The following CAND1 variants were observed in gnomAD, a reference collection of about 807,000 sequenced individuals.
The protein encoded by CAND1 is cullin-associated NEDD8-dissociated protein 1.
CAND1 carries 7 observed loss-of-function variants against 108.5 expected under a neutral mutation model. That is an observed-to-expected ratio of 0.06 (90% CI 0.04 to 0.12). The LOEUF is 0.12. CAND1 is among the 10% of genes least tolerant of loss of function. CAND1 has a pLI of 1.00. For missense variants in CAND1, 941 were observed against 1,448.7 expected (o/e 0.65, Z 5.69); for synonymous variants, 534 against 512.0 (o/e 1.04, Z -0.58).
chr12:67,288,677 A>G (rs1464718422), intron 2 of CAND1, among the ~76,000 whole-genome samples: 1 of 152,244 alleles, frequency 6.6e-6, no homozygotes, highest in African/African-American at 2.4e-5. Context: ...TTCAAATACT[A>G]TGACAAGTGG....
chr12:67,269,377 G>A lies in CAND1; in HGVS notation c.-341G>A. 1 of 313,776 alleles carries A rather than the reference G, an allele frequency of 3.2e-6. No individual in the cohort carries two copies. The highest frequency in any genetic ancestry group is 5.9e-6 in the Non-Finnish European group (1 of 170,276). 19.4% of individuals were successfully genotyped at this position (313,776 alleles called of 1,614,324 possible). On this transcript the variant is annotated 5_prime_UTR_variant, in exon 1 of 15. It adds an upstream start codon to the 5' untranslated region. Coordinates refer to ENST00000545606, the MANE Select transcript of CAND1 (RefSeq NM_018448.5). Reference sequence around the variant, plus strand: ...TTTGGCCTTTTGCCCTAGGGAGCGAGTGCGGAGCGAGTGGGAGCGAGACGG... The same window carrying A: ...TTTGGCCTTTTGCCCTAGGGAGCGAATGCGGAGCGAGTGGGAGCGAGACGG...
At chr12:67,308,816 G>C (rs1474159229) in intron 11 of CAND1, among the ~76,000 whole-genome samples, 1 of 151,848 alleles carries the variant, frequency 6.6e-6, no homozygotes, top group East Asian at 1.9e-4. Flanking sequence ...CTGTTTCTCA[G>C]ACTTTTTTTT....
At chr12:67,275,551 A>G (rs1211011427) in intron 1 of CAND1, among the ~76,000 whole-genome samples, 1 of 152,140 alleles carries the variant, frequency 6.6e-6, no homozygotes, top group East Asian at 1.9e-4. Flanking sequence ...AACTGTTCCA[A>G]CTTAATTCAT....
chr12:67,276,504 C>T (rs2044570753), intron 1 of CAND1, among the ~76,000 whole-genome samples: 1 of 152,056 alleles, frequency 6.6e-6, no homozygotes. Flanking sequence ...TGAAGCCTTG[C>T]TTTAGGTTGA....
intron 1 of CAND1, among the ~76,000 whole-genome samples, chr12:67,272,678 G>T (rs1260902045): frequency 6.6e-6 from 1 of 151,918 alleles, no homozygotes; most frequent in Non-Finnish European, 1.5e-5. Flanking sequence ...CAGGGTTTTT[G>T]TTGTTGTTGT....
chr12:67,311,664 C>A, intron 13 of CAND1, 29 bp from the exon 14 acceptor site: 2 of 1,350,574 alleles, frequency 1.5e-6, no homozygotes, highest in African/African-American at 1.5e-5. Flanking sequence ...GATGTCAAAT[C>A]TAAATTCTGT....
intron 2 of CAND1, among the ~76,000 whole-genome samples, chr12:67,283,121 A>C (rs1486946986): frequency 6.6e-6 from 1 of 152,166 alleles, no homozygotes; most frequent in Non-Finnish European, 1.5e-5. Context: ...TCCCATTGTT[A>C]CTTCTTTTTA....
At chr12:67,281,426 C>T (rs557397673) in intron 1 of CAND1, among the ~76,000 whole-genome samples, 5 of 152,214 alleles carry the variant, frequency 3.3e-5, no homozygotes, top group Non-Finnish European at 4.4e-5. Context: ...TGCAATGCAA[C>T]GTACTTGTTT....
chr12:67,275,429 A>AGGCAGC (rs147753664), intron 1 of CAND1, among the ~76,000 whole-genome samples: 13,362 of 151,992 alleles, frequency 0.088, 1,283 homozygotes, highest in African/African-American at 0.24. Flanking sequence ...CGCGAGGCTG[A>AGGCAGC]GGCAGCAGAA....
intron 9 of CAND1, among the ~76,000 whole-genome samples, 171 bp from the exon 10 acceptor site, chr12:67,304,933 G>C (rs1179557539): frequency 6.6e-6 from 1 of 152,138 alleles, no homozygotes; most frequent in Admixed American, 6.5e-5. Flanking sequence ...AAGGTTAAAA[G>C]TCTCACCCTA....
intron 1 of CAND1, among the ~76,000 whole-genome samples, chr12:67,279,517 G>C (rs547090218): frequency 1.6e-4 from 25 of 152,200 alleles, no homozygotes; most frequent in Middle Eastern, 6.8e-3. Context: ...GCAACTCTTG[G>C]TATTATAATA....
intron 1 of CAND1, among the ~76,000 whole-genome samples, chr12:67,280,952 G>C (rs978174444): frequency 2.6e-5 from 4 of 152,006 alleles, no homozygotes; most frequent in Non-Finnish European, 5.9e-5. Flanking sequence ...TTGAAAATAA[G>C]CCTGGTGGCT....
chr12:67,295,605 C>T (rs2044761812), intron 4 of CAND1, among the ~76,000 whole-genome samples: 2 of 152,030 alleles, frequency 1.3e-5, no homozygotes, highest in South Asian at 4.1e-4. Flanking sequence ...TTTCACTTTC[C>T]TTTGGAAGTC....
chr12:67,272,783 G>C (rs375290591), intron 1 of CAND1, among the ~76,000 whole-genome samples: 2 of 151,854 alleles, frequency 1.3e-5, no homozygotes, highest in African/African-American at 4.8e-5. Context: ...TTCAACCTCC[G>C]CCTCCCAGGT....
At chr12:67,287,350 T>TAG (rs1417460996) in intron 2 of CAND1, among the ~76,000 whole-genome samples, 6 of 152,244 alleles carry the variant, frequency 3.9e-5, no homozygotes, top group Non-Finnish European at 8.8e-5. Context: ...ATGTAAGTTT[T>TAG]AGAGTTGTCA....
At chr12:67,304,511 C>T (rs1362881962) in intron 8 of CAND1, 94 bp from the exon 9 acceptor site, 4 of 1,298,560 alleles carry the variant, frequency 3.1e-6, no homozygotes, top group Admixed American at 4.6e-5. Context: ...AAAAGATAAA[C>T]TCTTCCCTTT....
intron 1 of CAND1, among the ~76,000 whole-genome samples, chr12:67,279,651 A>G (rs2044601717): frequency 6.6e-6 from 1 of 152,122 alleles, no homozygotes; most frequent in Non-Finnish European, 1.5e-5. Context: ...TTATTACAAT[A>G]TAAGTAAGCT....
chr12:67,297,329 C>A, intron 4 of CAND1, 78 bp from the exon 5 acceptor site: 1 of 1,318,566 alleles, frequency 7.6e-7, no homozygotes, highest in South Asian at 1.2e-5. Context: ...GCATTGAGGT[C>A]AGAGGCCAGA....
At position 67,313,160 on chromosome 12, in the gene CAND1, T is replaced by C; in HGVS notation, c.*330T>C. On this transcript the variant is annotated 3_prime_UTR_variant, in exon 15 of 15. Coordinates refer to ENST00000545606, the MANE Select transcript of CAND1 (RefSeq NM_018448.5). ...TACCCTGTAATGTTTAGGATTAAAA[T>C]GTTAAAATTTTGTGACCATGAATTT... is the stretch of plus-strand genomic sequence containing the variant. The C allele has an allele frequency of 5.9e-6, 1 of 170,206 alleles. No homozygotes were observed. The highest frequency in any genetic ancestry group is 1.2e-5 in the Non-Finnish European group (1 of 80,090). The allele number at this position is 170,206 out of a possible 1,614,324, so 10.5% of individuals were successfully genotyped here. A position where few individuals can be genotyped will look rare whatever the true frequency, so the allele number is the denominator to read the frequency against.
Sources: gnomAD v4.1 joint callset for allele counts (sites outside exome capture counted in the v4.1 genomes callset) on GRCh38, gnomAD v4.1.1 for gene constraint, MANE v1.5 for transcripts, NCBI Gene and HGNC (gene_info 2026-07-23, HGNC 2026-07-21) for gene names.